The following NUP188 variants were observed in gnomAD, a reference collection of about 807,000 sequenced individuals.
The protein encoded by NUP188 is nucleoporin 188.
NUP188 carries 97 observed loss-of-function variants against 223.0 expected under a neutral mutation model. The observed-to-expected ratio is 0.43, with a 90% confidence interval of 0.37 to 0.51. The LOEUF (loss-of-function observed/expected upper bound fraction) is 0.51, where lower values mean the gene tolerates loss of function less well. NUP188 is among the 20% of genes least tolerant of loss of function. The pLI is 0.00. For synonymous variants in NUP188, 869 were observed against 828.0 expected, an observed-to-expected ratio of 1.05 and a Z score of -0.85; for missense variants, 1,947 against 2,175.6, an observed-to-expected ratio of 0.89 and a Z score of 2.09.
At position 128,947,881 on chromosome 9, in the gene NUP188, C is replaced by G. The variant is rs1315000211; in HGVS notation, c.32+130C>G. On this transcript the variant is annotated intron_variant, in intron 1 of 43. Transcript: ENST00000372577. Reference sequence around the variant, plus strand: ...CCAACCCCGGCTGGATGGACGGGCACCGAGACGGGAGGCGGTTACGTCCAA... The same window carrying G: ...CCAACCCCGGCTGGATGGACGGGCAGCGAGACGGGAGGCGGTTACGTCCAA... 1.3e-5 allele frequency: 11 copies of G among 865,098 alleles called. 1 individual carries two copies. The highest frequency in any genetic ancestry group is 1.4e-5 in the Non-Finnish European group (9 of 637,150). 53.6% of individuals were successfully genotyped at this position (865,098 alleles called of 1,614,324 possible).
At chr9:129,003,619 G>A (rs1236489564) in intron 38 of NUP188, 165 bp downstream of exon 38, 2 of 835,606 alleles carry the variant, frequency 2.4e-6, no homozygotes, top group Non-Finnish European at 4.0e-6. Context: ...CTGGCTAAAT[G>A]TTTCCTTCCA....
In NUP188 at chr9:128,949,257, T is replaced by G. The variant is rs17481198; in HGVS notation, c.87+14T>G. The G allele has an allele frequency of 3.3e-3, 5,336 of 1,603,748 alleles. 158 individuals carry two copies. In the East Asian group the frequency reaches 0.057, roughly 17 times the overall value. ...CTGAGAGAGCTGGTAAGTGGTGGTG[T>G]TCTTGAGTGGGTTCTCTGGGTTCTT... On this transcript the variant is annotated intron_variant, in intron 2 of 43. Coordinates refer to ENST00000372577, the MANE Select transcript of NUP188 (RefSeq NM_015354.3).
chr9:128,983,170 G>A, intron 17 of NUP188, 123 bp from the exon 18 acceptor site: 2 of 1,409,928 alleles, frequency 1.4e-6, no homozygotes, highest in South Asian at 1.2e-5. Context: ...ATCTGTGAGG[G>A]TTTTCCTGTT....
chr9:128,983,126 G>C, intron 17 of NUP188, 98 bp downstream of exon 17: 1 of 1,521,968 alleles, frequency 6.6e-7, no homozygotes, highest in Admixed American at 1.7e-5. Flanking sequence ...CTGGGTTAAA[G>C]TTCGCGCATA....
At chr9:128,979,628 GT>G (rs1842227956) in intron 13 of NUP188, among the ~76,000 whole-genome samples, 1 of 147,588 alleles carries the variant, frequency 6.8e-6, no homozygotes, top group Admixed American at 6.8e-5. Context: ...TTTTTTTTTT[GT>G]TTTGGTTTTG....
At chr9:128,986,104 G>C (rs181728799) in intron 20 of NUP188, among the ~76,000 whole-genome samples, 3 of 152,094 alleles carry the variant, frequency 2.0e-5, no homozygotes, top group African/African-American at 7.2e-5. Context: ...TAACTAAAGA[G>C]TCCCCATTTT....
In NUP188 at chr9:128,982,427, C is replaced by T. The variant is rs1003275962; in HGVS notation, c.1517-122C>T. 5.3e-6 allele frequency: 4 copies of T among 758,452 alleles called. No individual in the cohort carries two copies. The African/African-American group carries it at 5.7e-5, about 11-fold the overall frequency. The allele number at this position is 758,452 out of a possible 1,614,324, so 47.0% of individuals were successfully genotyped here. A position where few individuals can be genotyped will look rare whatever the true frequency, so the allele number is the denominator to read the frequency against. ...CCTGGGCAAGAGGGAGACTCTGTCT[C>T]AAAAAAAAAAAATGTCTGTGAGTTT... On this transcript the variant is annotated intron_variant, in intron 15 of 43. Coordinates refer to ENST00000372577, the MANE Select transcript of NUP188 (RefSeq NM_015354.3).
chr9:128,948,062 C>G (rs113796789), intron 1 of NUP188: 1 of 296,058 alleles, frequency 3.4e-6, no homozygotes, highest in African/African-American at 2.2e-5. Flanking sequence ...CCCACCCGCG[C>G]TTCCTTCTCC....
chr9:128,985,089 C>T (rs944662087), intron 20 of NUP188, 75 bp downstream of exon 20: 22 of 984,996 alleles, frequency 2.2e-5, no homozygotes, highest in Non-Finnish European at 3.5e-5. Flanking sequence ...GAAATAGTTT[C>T]CCTGGCCCCT....
chr9:128,990,844 G>C (rs546044231), intron 25 of NUP188, among the ~76,000 whole-genome samples: 14 of 152,250 alleles, frequency 9.2e-5, no homozygotes, highest in African/African-American at 3.4e-4. Flanking sequence ...CAGCCTGGGT[G>C]ACAGAGCAAG....
chr9:128,998,109 G>A (rs778475277), intron 30 of NUP188, 42 bp from the exon 31 acceptor site: 1 of 1,488,354 alleles, frequency 6.7e-7, no homozygotes, highest in South Asian at 1.1e-5. Flanking sequence ...TCTAAAATCT[G>A]GAAAATTTTC....
chr9:128,987,088 A>AGAGAGAGTGAGTGTGT (rs1450678206), intron 22 of NUP188, among the ~76,000 whole-genome samples: 1 of 113,262 alleles, frequency 8.8e-6, no homozygotes, highest in African/African-American at 3.5e-5. Flanking sequence ...AGAGAGAGAG[A>AGAGAGAGTGAGTGTGT]GTGTGTGTGT....
intron 36 of NUP188, among the ~76,000 whole-genome samples, chr9:129,002,241 T>G (rs1452007374): frequency 6.6e-6 from 1 of 152,220 alleles, no homozygotes; most frequent in Non-Finnish European, 1.5e-5. Flanking sequence ...ACCAGATTGA[T>G]AACACATCCC....
chr9:129,003,337 A>G lies in NUP188; in HGVS notation c.4317A>G (p.Thr1439=), dbSNP rs141011287. ...CCCAGTGCCTCAACGCAGTGAGGAC[A>G]GTGCAGAGTCTGGCCTGCCTGGAGG... ...RTLQCLNAVR[T]VQSLACLEEA... The change falls in exon 38 of 44, where the codon ACA becomes ACG. Residue 1439 remains threonine (T), a synonymous_variant. Coordinates refer to ENST00000372577, the MANE Select transcript of NUP188 (RefSeq NM_015354.3). The G allele has an allele frequency of 6.0e-5, 97 of 1,610,606 alleles. 2 individuals carry two copies. The African/African-American group carries it at 1.0e-3, about 17-fold the overall frequency.
chr9:128,999,652 G>A lies in NUP188; in HGVS notation c.3690G>A (p.Leu1230=). ...GTGACATCCCCCAGTACTCCCAGCTGGTGCTGAATGTCTGTGAGACCCTCC... is the reference window on the plus strand; with the variant it reads ...GTGACATCCCCCAGTACTCCCAGCTAGTGCTGAATGTCTGTGAGACCCTCC... ...KVSDIPQYSQ[L]VLNVCETLQE... is the part of the protein sequence containing the mutation. Residue 1230 remains leucine (L), a synonymous_variant, in exon 34 of 44, where the codon CTG becomes CTA. Coordinates refer to ENST00000372577, the MANE Select transcript of NUP188 (RefSeq NM_015354.3). 1.9e-6 allele frequency: 3 copies of A among 1,614,132 alleles called. No individual in the cohort carries two copies. Among genetic ancestry groups the A allele is most frequent in the Non-Finnish European group, 1.7e-6 (2 of 1,180,036 alleles).
intron 15 of NUP188, among the ~76,000 whole-genome samples, chr9:128,982,027 A>G (rs934497848): frequency 2.6e-5 from 4 of 152,026 alleles, no homozygotes; most frequent in Non-Finnish European, 5.9e-5. Flanking sequence ...CAGTGAGTTG[A>G]GATCGCGCCA....
intron 8 of NUP188, among the ~76,000 whole-genome samples, chr9:128,960,626 C>T (rs762704928): frequency 3.3e-5 from 5 of 152,034 alleles, no homozygotes; most frequent in Non-Finnish European, 5.9e-5. Flanking sequence ...GTGAAGAGAA[C>T]TTTAAAAATG....
chr9:128,947,833 G>C, intron 1 of NUP188, 82 bp downstream of exon 1: 1 of 1,286,374 alleles, frequency 7.8e-7, no homozygotes, highest in Non-Finnish European at 1.0e-6. Flanking sequence ...AATTGGAGGC[G>C]GGATGTGGCG....
intron 25 of NUP188, among the ~76,000 whole-genome samples, chr9:128,991,827 A>G (rs1238987266): frequency 6.7e-6 from 1 of 148,228 alleles, no homozygotes. Flanking sequence ...TGGGCGACAG[A>G]GTCAAAAAAA....
Sources: gnomAD v4.1 joint callset for allele counts (sites outside exome capture counted in the v4.1 genomes callset) on GRCh38, gnomAD v4.1.1 for gene constraint, MANE v1.5 for transcripts, NCBI Gene and HGNC (gene_info 2026-07-23, HGNC 2026-07-21) for gene names.